The following SNTG2 variants were observed in gnomAD, a reference collection of about 807,000 sequenced individuals.
The protein encoded by SNTG2 is syntrophin gamma 2, also known as gamma-2-syntrophin.
A neutral mutation model predicts 70.9 loss-of-function variants in SNTG2; 74 were observed. The ratio of observed to expected loss-of-function variants is 1.04; its 90% CI spans 0.86 to 1.27. SNTG2 has a LOEUF of 1.27. SNTG2 is among the 50% of genes most tolerant of loss of function. The probability of loss-of-function intolerance (pLI) is 0.00; values close to 1 mark genes in which losing one functional copy is unlikely to be tolerated. For synonymous variants in SNTG2, 278 were observed against 273.8 expected (o/e 1.02, Z -0.15); for missense variants, 717 against 690.7 (o/e 1.04, Z -0.43).
At chr2:1,363,702 A>C (rs1314109340) in intron 16 of SNTG2, among the ~76,000 whole-genome samples, 1 of 152,230 alleles carries the variant, frequency 6.6e-6, no homozygotes, top group Non-Finnish European at 1.5e-5. Context: ...CTCTAGTTAA[A>C]AATTCATAAT....
chr2:983,148 C>T (rs1193343152), intron 1 of SNTG2, among the ~76,000 whole-genome samples: 3 of 149,716 alleles, frequency 2.0e-5, no homozygotes, highest in Non-Finnish European at 3.0e-5. Flanking sequence ...GAAGAAGCTG[C>T]GGAGGTGGAG....
intron 1 of SNTG2, among the ~76,000 whole-genome samples, chr2:1,016,613 C>T (rs533523560): frequency 2.0e-4 from 31 of 152,248 alleles, no homozygotes; most frequent in East Asian, 1.9e-4. Flanking sequence ...CAGCAGAGAC[C>T]GAAAGCAGGC....
intron 16 of SNTG2, among the ~76,000 whole-genome samples, chr2:1,326,391 G>T (rs1052202691): frequency 1.3e-5 from 2 of 152,098 alleles, no homozygotes; most frequent in African/African-American, 2.4e-5. Flanking sequence ...ATTTTGGAAA[G>T]CCTATATCAA....
At chr2:992,947 ATCAGTCCTGATTACCCC>A (rs1661549905) in intron 1 of SNTG2, among the ~76,000 whole-genome samples, 1 of 152,054 alleles carries the variant, frequency 6.6e-6, no homozygotes, top group South Asian at 2.1e-4. Flanking sequence ...CCATTAAGCA[ATCAGTCCTGATTACCCC>A]TCCCCCCAAA....
Position 1,222,626 on chromosome 2 carries a change from AAGCGGTGCAGTGATGGAG to A in SNTG2, c.719+13397_719+13414del, listed in dbSNP as rs1675388353. Among the ~76,000 whole-genome samples the A allele has an allele frequency of 1.2e-3, 4 of 3,476 alleles. 2 individuals carry two copies. Among genetic ancestry groups the A allele is most frequent in the Admixed American group, 4.0e-3 (2 of 494 alleles). 2.3% of individuals were successfully genotyped at this position (3,476 alleles called of 152,430 possible). A position where few individuals can be genotyped will look rare whatever the true frequency, so the allele number is the denominator to read the frequency against. On this transcript the variant is annotated intron_variant, in intron 9 of 16. Transcript: ENST00000308624. The stretch of plus-strand genomic sequence containing the variant: ...GGAGGTGCTGGATCGCTGTAGAGGA[AAGCGGTGCAGTGATGGAG>A]GGCGTCTCCCTGTCCTGCCTGCTGG...
At chr2:1,208,099 A>G (rs1400988149) in intron 8 of SNTG2, among the ~76,000 whole-genome samples, 1 of 152,162 alleles carries the variant, frequency 6.6e-6, no homozygotes, top group African/African-American at 2.4e-5. Context: ...TCCAGGTGCA[A>G]CAGTCCCTGG....
intron 12 of SNTG2, chr2:1,256,671 T>C: frequency 6.6e-6 from 1 of 152,210 alleles, no homozygotes. Flanking sequence ...GCCTGCACTT[T>C]CACTAAATTA....
intron 16 of SNTG2, among the ~76,000 whole-genome samples, chr2:1,332,473 A>G (rs1659585441): frequency 6.6e-6 from 1 of 152,194 alleles, no homozygotes; most frequent in Non-Finnish European, 1.5e-5. Flanking sequence ...AGACAGAACA[A>G]AAAAAGAAAA....
chr2:1,338,735 T>C (rs1010718790), intron 16 of SNTG2, among the ~76,000 whole-genome samples: 1 of 152,202 alleles, frequency 6.6e-6, no homozygotes, highest in African/African-American at 2.4e-5. Flanking sequence ...TTATATTGCA[T>C]TTCATGGATA....
intron 1 of SNTG2, among the ~76,000 whole-genome samples, chr2:972,455 CT>C (rs952268486): frequency 6.6e-6 from 1 of 151,930 alleles, no homozygotes; most frequent in Non-Finnish European, 1.5e-5. Flanking sequence ...GTAACTCCTG[CT>C]TTTTTTTACA....
chr2:1,333,346 G>A (rs1055939967), intron 16 of SNTG2, among the ~76,000 whole-genome samples: 4 of 152,094 alleles, frequency 2.6e-5, no homozygotes, highest in African/African-American at 7.2e-5. Context: ...GAATGGGTAG[G>A]ATCAATACTG....
chr2:1,362,382 C>G (rs1339109155), intron 16 of SNTG2, among the ~76,000 whole-genome samples: 1 of 151,788 alleles, frequency 6.6e-6, no homozygotes, highest in African/African-American at 2.4e-5. Context: ...GTGAAGGTCA[C>G]CAACGCTGAG....
At chr2:975,452 C>G (rs1660879389) in intron 1 of SNTG2, among the ~76,000 whole-genome samples, 1 of 152,254 alleles carries the variant, frequency 6.6e-6, no homozygotes, top group Admixed American at 6.5e-5. Flanking sequence ...CAAACAGCAA[C>G]AGTTCCCCTG....
At chr2:1,084,123 A>C (rs976722009) in intron 2 of SNTG2, among the ~76,000 whole-genome samples, 1 of 152,224 alleles carries the variant, frequency 6.6e-6, no homozygotes, top group Admixed American at 6.5e-5. Context: ...TGTTTTTGAA[A>C]ATATTCCAAA....
intron 1 of SNTG2, among the ~76,000 whole-genome samples, chr2:993,329 T>G (rs1253277084): frequency 6.6e-6 from 1 of 150,776 alleles, no homozygotes; most frequent in Non-Finnish European, 1.5e-5. Flanking sequence ...TCAAGTTCCA[T>G]GCACATTATA....
At chr2:1,155,562 G>C (rs540354712) in intron 6 of SNTG2, among the ~76,000 whole-genome samples, 7 of 152,334 alleles carry the variant, frequency 4.6e-5, no homozygotes, top group Admixed American at 1.3e-4. Flanking sequence ...AAATTTCAGG[G>C]CTGAGCTCAG....
chr2:1,251,576 C>T (rs1054465786), intron 12 of SNTG2, among the ~76,000 whole-genome samples: 1 of 147,786 alleles, frequency 6.8e-6, no homozygotes, highest in Admixed American at 6.7e-5. Flanking sequence ...CACACACCTC[C>T]CACAGGCACA....
intron 4 of SNTG2, among the ~76,000 whole-genome samples, chr2:1,099,051 C>A (rs1439570346): frequency 3.9e-5 from 6 of 152,160 alleles, no homozygotes; most frequent in Non-Finnish European, 7.3e-5. Flanking sequence ...TCATACAATT[C>A]GATTTTGGAC....
At chr2:1,023,382 C>T (rs933331591) in intron 1 of SNTG2, among the ~76,000 whole-genome samples, 1 of 151,972 alleles carries the variant, frequency 6.6e-6, no homozygotes, top group Non-Finnish European at 1.5e-5. Context: ...TGAATTGATG[C>T]TGTGTTGGAG....
Sources: allele counts gnomAD v4.1 joint callset (sites outside exome capture counted in the v4.1 genomes callset), GRCh38; gene constraint gnomAD v4.1.1; transcripts MANE v1.5; gene names NCBI Gene and HGNC (gene_info 2026-07-23, HGNC 2026-07-21).